Variants in CPLX2 observed in about 807,000 individuals in gnomAD.
CPLX2 encodes complexin-2.
CPLX2 carries 5 observed loss-of-function variants against 16.3 expected under a neutral mutation model. The ratio of observed to expected loss-of-function variants is 0.31; its 90% CI spans 0.16 to 0.64. CPLX2 has a LOEUF of 0.64. Ranked by LOEUF, CPLX2 falls within the 30% of genes least tolerant of loss-of-function variation. CPLX2 has a pLI of 0.79. For missense variants in CPLX2, 144 were observed against 181.4 expected, an observed-to-expected ratio of 0.79 and a Z score of 1.18; for synonymous variants, 89 against 73.2, an observed-to-expected ratio of 1.22 and a Z score of -1.10.
intron 2 of CPLX2, among the ~76,000 whole-genome samples, chr5:175,854,339 C>A (rs914225495): frequency 6.6e-6 from 1 of 152,176 alleles, no homozygotes; most frequent in Non-Finnish European, 1.5e-5. Context: ...TGCCTGCCAT[C>A]CCAGCCTAGG....
At position 175,826,108 on chromosome 5, in the gene CPLX2, C is replaced by T. The variant is rs183717169; in HGVS notation, c.-89+17040C>T. Among the ~76,000 whole-genome samples, 128 of 151,896 alleles carry T rather than the reference C, an allele frequency of 8.4e-4. 1 individual carries two copies. The highest frequency in any genetic ancestry group is 2.9e-3 in the African/African-American group (122 of 41,378). On this transcript the variant is annotated intron_variant, in intron 2 of 4. Transcript: ENST00000359546. ...GTGGGAGCACTGACTAGCGGCACCA[C>T]GAGGTTAGAGGGCTGCGATAAAGGT... is the stretch of plus-strand genomic sequence containing the variant.
At position 175,849,327 on chromosome 5, in the gene CPLX2, C is replaced by T. The variant is rs1381703816; in HGVS notation, c.-88-29325C>T. On this transcript the variant is annotated intron_variant, in intron 2 of 4. Coordinates refer to the CPLX2 transcript ENST00000359546. This position sits in a 1 kb window ranked among gnomAD's most constrained non-coding sequence, Gnocchi z 4.4. ...GTGCTCTCTGATTCCAAAGGGACACCTGATGGTGAGTTTCGCAACACTGGA... is the reference window on the plus strand; with the variant it reads ...GTGCTCTCTGATTCCAAAGGGACACTTGATGGTGAGTTTCGCAACACTGGA... Among the ~76,000 whole-genome samples, 1 of 152,176 alleles carries T rather than the reference C, an allele frequency of 6.6e-6. No individual in the cohort carries two copies.
At chr5:175,805,891 C>T (rs1475625789) in intron 1 of CPLX2, among the ~76,000 whole-genome samples, 1 of 152,206 alleles carries the variant, frequency 6.6e-6, no homozygotes, top group Non-Finnish European at 1.5e-5. Flanking sequence ...CACACACACC[C>T]AAGCCAGCAG....
At chr5:175,860,598 G>GGAAGGAAGGAAA (rs1759354725) in intron 2 of CPLX2, among the ~76,000 whole-genome samples, 1 of 135,354 alleles carries the variant, frequency 7.4e-6, no homozygotes, top group African/African-American at 2.6e-5. Flanking sequence ...AAGGAAGGAA[G>GGAAGGAAGGAAA]GAAGGAAGGA....
intron 2 of CPLX2, among the ~76,000 whole-genome samples, chr5:175,814,916 G>A (rs768793880): frequency 2.6e-5 from 4 of 152,042 alleles, no homozygotes; most frequent in South Asian, 2.1e-4. Context: ...TCCTCCTCTC[G>A]GCCAGCCCAA....
At chr5:175,827,389 C>T (rs1351109967) in intron 2 of CPLX2, among the ~76,000 whole-genome samples, 1 of 152,164 alleles carries the variant, frequency 6.6e-6, no homozygotes, top group Non-Finnish European at 1.5e-5. Context: ...GCAGAGTGGC[C>T]CCTCTTCTTT....
intron 1 of CPLX2, among the ~76,000 whole-genome samples, chr5:175,808,582 T>A (rs994409903): frequency 3.3e-5 from 5 of 152,166 alleles, no homozygotes; most frequent in African/African-American, 1.2e-4. Flanking sequence ...ATTTTACAGA[T>A]GAGGACACTG....
chr5:175,865,188 T>C (rs1441125585), intron 2 of CPLX2, among the ~76,000 whole-genome samples: 1 of 152,220 alleles, frequency 6.6e-6, no homozygotes, highest in South Asian at 2.1e-4. Context: ...AGAGGCCCCA[T>C]AAGCTTATTA....
At position 175,815,342 on chromosome 5, in the gene CPLX2, AG is replaced by A. The variant is rs1349308581; in HGVS notation, c.-89+6278del. 2.0e-5 allele frequency among the ~76,000 whole-genome samples: 3 copies of A among 152,014 alleles called. No homozygotes were observed. In the East Asian group the frequency reaches 5.8e-4, roughly 29 times the overall value. On this transcript the variant is annotated intron_variant, in intron 2 of 4. Transcript: ENST00000359546. The stretch of plus-strand genomic sequence containing the variant: ...AAGTCTAATGAGAACCGACTCACTC[AG>A]GGGCTGCAAACCCGCTCGTCAGCAG...
rs1755637946 is a variant in CPLX2, at chr5:175,882,307, A to G, written c.*2262A>G. Reference sequence around the variant, plus strand: ...CCTGGGCCAGAGACAGGCAGGGCCCAGTCCAGGGGCCCCAGGCCTCCCCAG... The same window carrying G: ...CCTGGGCCAGAGACAGGCAGGGCCCGGTCCAGGGGCCCCAGGCCTCCCCAG... On this transcript the variant is annotated 3_prime_UTR_variant, in exon 4 of 4. Transcript: ENST00000393745. 6.6e-6 allele frequency: 1 copy of G among 152,646 alleles called. No individual in the cohort carries two copies. Among genetic ancestry groups the G allele is most frequent in the African/African-American group, 2.4e-5 (1 of 41,440 alleles). The allele number at this position is 152,646 out of a possible 1,614,324, so 9.5% of individuals were successfully genotyped here.
At chr5:175,810,535 GCAA>G (rs1758295200) in intron 2 of CPLX2, among the ~76,000 whole-genome samples, 1 of 152,214 alleles carries the variant, frequency 6.6e-6, no homozygotes, top group Non-Finnish European at 1.5e-5. Context: ...CATGCTTAGT[GCAA>G]GACCTGCACA....
chr5:175,838,718 A>G (rs1423138603), intron 2 of CPLX2, among the ~76,000 whole-genome samples: 2 of 152,132 alleles, frequency 1.3e-5, no homozygotes, highest in Admixed American at 1.3e-4. Flanking sequence ...ATCAGGTCTC[A>G]TAGGCCACCG....
intron 1 of CPLX2, among the ~76,000 whole-genome samples, chr5:175,800,709 T>C (rs1554117414): frequency 6.6e-6 from 1 of 152,218 alleles, no homozygotes; most frequent in Non-Finnish European, 1.5e-5. Context: ...CGCTTACTCA[T>C]TGAATGGCTA....
intron 2 of CPLX2, among the ~76,000 whole-genome samples, chr5:175,824,456 C>T (rs1758571168): frequency 6.6e-6 from 1 of 152,240 alleles, no homozygotes; most frequent in South Asian, 2.1e-4. Flanking sequence ...CTGCCCAAGT[C>T]TCTCTCATTT....
intron 2 of CPLX2, among the ~76,000 whole-genome samples, chr5:175,838,553 C>T (rs569778809): frequency 1.3e-3 from 197 of 152,320 alleles, no homozygotes; most frequent in Non-Finnish European, 2.5e-3. Flanking sequence ...CCACCGCGCC[C>T]GGCCCCCCTT....
intron 2 of CPLX2, among the ~76,000 whole-genome samples, chr5:175,832,419 C>T (rs1310857058): frequency 6.6e-6 from 1 of 152,216 alleles, no homozygotes; most frequent in Non-Finnish European, 1.5e-5. Context: ...AAACCAGCTC[C>T]GTGTGATGAG....
chr5:175,817,450 C>T (rs6420085), intron 2 of CPLX2, among the ~76,000 whole-genome samples: 152,051 of 152,328 alleles, frequency 1, 75,887 homozygotes, highest in Middle Eastern at 1. Context: ...GTCACTGTTT[C>T]TCCTTTTCCC....
intron 2 of CPLX2, among the ~76,000 whole-genome samples, chr5:175,826,947 C>G (rs755054295): frequency 1.3e-5 from 2 of 152,212 alleles, no homozygotes; most frequent in African/African-American, 4.8e-5. Flanking sequence ...AGTTGGATCA[C>G]GCAGCTCGAA....
intron 2 of CPLX2, among the ~76,000 whole-genome samples, chr5:175,866,036 A>T (rs1405989187): frequency 2.0e-5 from 3 of 152,278 alleles, no homozygotes; most frequent in African/African-American, 7.2e-5. Context: ...GCTAAGGAGG[A>T]TTCTAATGTG....
Sources: allele counts gnomAD v4.1 joint callset (sites outside exome capture counted in the v4.1 genomes callset), GRCh38; gene constraint gnomAD v4.1.1; non-coding constraint Gnocchi (gnomAD v3.1); transcripts MANE v1.5; gene names NCBI Gene and HGNC (gene_info 2026-07-23, HGNC 2026-07-21).